The following ROBO2 variants were observed in gnomAD, a reference collection of about 807,000 sequenced individuals.
The protein encoded by ROBO2 is roundabout guidance receptor 2, also known as roundabout homolog 2.
A neutral mutation model predicts 160.8 loss-of-function variants in ROBO2; 53 were observed. That is an observed-to-expected ratio of 0.33 (90% confidence interval 0.26 to 0.41). The LOEUF is 0.41. Among genes scored for constraint, ROBO2 ranks in the 10% least tolerant of loss-of-function variants. ROBO2 has a pLI of 1.00. For missense variants in ROBO2, 1,577 were observed against 1,722.4 expected (o/e 0.92, Z 1.49); for synonymous variants, 664 against 611.7 (o/e 1.09, Z -1.26).
At chr3:77,137,599 AAAC>A (rs2076380885) in intron 2 of ROBO2, among the ~76,000 whole-genome samples, 1 of 152,228 alleles carries the variant, frequency 6.6e-6, no homozygotes, top group African/African-American at 2.4e-5. Flanking sequence ...GAGAAATAAC[AAAC>A]AAAATGATGA....
At chr3:76,236,947 A>G (rs1296987951) in intron 2 of ROBO2, among the ~76,000 whole-genome samples, 1 of 152,034 alleles carries the variant, frequency 6.6e-6, no homozygotes, top group East Asian at 1.9e-4. Flanking sequence ...GTAACATTTT[A>G]TGAGTTAAAT....
intron 2 of ROBO2, among the ~76,000 whole-genome samples, chr3:76,822,742 T>C (rs2066229804): frequency 1.3e-5 from 2 of 151,510 alleles, no homozygotes; most frequent in African/African-American, 4.8e-5. Context: ...AAAAGAAATG[T>C]GGGCAAAAAG....
chr3:75,929,886 G>C (rs1471664836), intron 1 of ROBO2, among the ~76,000 whole-genome samples: 2 of 152,062 alleles, frequency 1.3e-5, no homozygotes, highest in African/African-American at 2.4e-5. Flanking sequence ...GTAGAGACTG[G>C]GTTTCACCAT....
chr3:77,322,466 G>C (rs1221838524), intron 2 of ROBO2, among the ~76,000 whole-genome samples: 1 of 152,018 alleles, frequency 6.6e-6, no homozygotes, highest in Non-Finnish European at 1.5e-5. Context: ...AGTGGGGTTT[G>C]TCTAACATAA....
At chr3:76,819,988 C>G (rs983976761) in intron 2 of ROBO2, among the ~76,000 whole-genome samples, 1 of 152,060 alleles carries the variant, frequency 6.6e-6, no homozygotes, top group South Asian at 2.1e-4. Flanking sequence ...GTGTTCTAAT[C>G]AAAGACATAA....
chr3:77,196,533 A>T (rs2082326168), intron 2 of ROBO2, among the ~76,000 whole-genome samples: 1 of 152,060 alleles, frequency 6.6e-6, no homozygotes, highest in Non-Finnish European at 1.5e-5. Context: ...AACTCAACAA[A>T]TAGTTATGTT....
At chr3:76,476,842 G>GA (rs11452338) in intron 2 of ROBO2, among the ~76,000 whole-genome samples, 62,575 of 151,712 alleles carry the variant, frequency 0.41, 13,464 homozygotes, top group East Asian at 0.62. Flanking sequence ...GGAAAAAATG[G>GA]AAAAAAAATG....
chr3:77,375,064 G>A (rs1456199965), intron 2 of ROBO2, among the ~76,000 whole-genome samples: 4 of 152,112 alleles, frequency 2.6e-5, no homozygotes, highest in Non-Finnish European at 5.9e-5. Flanking sequence ...TTTGAAAAAT[G>A]AGCCAGGTAT....
chr3:77,295,751 G>A (rs573191172), intron 2 of ROBO2, among the ~76,000 whole-genome samples: 305 of 151,504 alleles, frequency 2.0e-3, no homozygotes, highest in African/African-American at 7.1e-3. Flanking sequence ...GTAAGCTGAG[G>A]CTAGATCACC....
Position 77,230,225 on chromosome 3 carries a change from C to T in ROBO2, c.388+131885C>T, listed in dbSNP as rs114927171. Among the ~76,000 whole-genome samples, 1,291 of 152,026 alleles carry T rather than the reference C, an allele frequency of 8.5e-3. 5 individuals carry two copies. The highest frequency in any genetic ancestry group is 0.021 in the South Asian group (100 of 4,816). On this transcript the variant is annotated intron_variant, in intron 2 of 25. Transcript: ENST00000461745. ...ACTTCAGCCTCCTGAGGAGCTGGGACTAAAGGCATGCACCACCTGGCTAAT... is the reference window on the plus strand; with the variant it reads ...ACTTCAGCCTCCTGAGGAGCTGGGATTAAAGGCATGCACCACCTGGCTAAT...
intron 2 of ROBO2, among the ~76,000 whole-genome samples, chr3:76,101,482 A>T (rs925124011): frequency 3.9e-5 from 6 of 152,144 alleles, no homozygotes; most frequent in African/African-American, 1.4e-4. Context: ...GGAGATATAC[A>T]TTTTGGAGTC....
intron 2 of ROBO2, among the ~76,000 whole-genome samples, chr3:77,024,163 G>A (rs1467964908): frequency 6.6e-6 from 1 of 152,148 alleles, no homozygotes; most frequent in African/African-American, 2.4e-5. Flanking sequence ...CCACAGTGTG[G>A]CATTATCGAT....
intron 2 of ROBO2, among the ~76,000 whole-genome samples, chr3:77,357,969 A>C (rs1226621373): frequency 6.6e-6 from 1 of 152,188 alleles, no homozygotes; most frequent in East Asian, 1.9e-4. Context: ...GTTCAAGCAT[A>C]AGAAAGAAAC....
intron 2 of ROBO2, among the ~76,000 whole-genome samples, chr3:76,898,395 ACTTACT>A (rs1313015131): frequency 6.6e-6 from 1 of 152,090 alleles, no homozygotes; most frequent in Non-Finnish European, 1.5e-5. Flanking sequence ...TTTTTAAAAG[ACTTACT>A]CTTAAGATGG....
At chr3:76,149,979 C>T (rs1485424705) in intron 2 of ROBO2, among the ~76,000 whole-genome samples, 3 of 150,680 alleles carry the variant, frequency 2.0e-5, no homozygotes, top group Middle Eastern at 3.7e-3. Flanking sequence ...GTCTAAAGCA[C>T]ACATCTGTCT....
intron 2 of ROBO2, among the ~76,000 whole-genome samples, chr3:77,134,394 C>T (rs1327309645): frequency 2.6e-5 from 4 of 152,164 alleles, no homozygotes; most frequent in East Asian, 1.9e-4. Flanking sequence ...AACACATTTG[C>T]GACTTTTAAC....
chr3:76,242,365 T>G (rs1388399021), intron 2 of ROBO2, among the ~76,000 whole-genome samples: 3 of 152,154 alleles, frequency 2.0e-5, no homozygotes, highest in Admixed American at 2.0e-4. Context: ...TACTACCTTG[T>G]ACTATTATAA....
At chr3:76,695,045 A>C (rs953381531) in intron 2 of ROBO2, among the ~76,000 whole-genome samples, 4 of 152,190 alleles carry the variant, frequency 2.6e-5, no homozygotes, top group African/African-American at 9.7e-5. Flanking sequence ...TGGAGATTGC[A>C]GTGACCCGAG....
chr3:76,519,502 T>C (rs1371880911), intron 2 of ROBO2, among the ~76,000 whole-genome samples: 8 of 152,126 alleles, frequency 5.3e-5, no homozygotes, highest in Non-Finnish European at 1.0e-4. Context: ...CAAAGCAAGG[T>C]AGAGGGTTAA....
Sources: gnomAD v4.1 joint callset for allele counts (sites outside exome capture counted in the v4.1 genomes callset) on GRCh38, gnomAD v4.1.1 for gene constraint, MANE v1.5 for transcripts, NCBI Gene and HGNC (gene_info 2026-07-23, HGNC 2026-07-21) for gene names.